CFAP47: variants seen among roughly 807,000 people sequenced by gnomAD.
CFAP47 encodes cilia and flagella associated protein 47, also known as cilia- and flagella-associated protein 47.
A neutral mutation model predicts 148.1 loss-of-function variants in CFAP47; 29 were observed. The ratio of observed to expected loss-of-function variants is 0.20; its 90% CI spans 0.15 to 0.27. CFAP47 has a LOEUF of 0.27. Among genes scored for constraint, CFAP47 ranks in the 10% least tolerant of loss-of-function variants. CFAP47 has a pLI of 1.00. For synonymous variants in CFAP47, 664 were observed against 577.3 expected (o/e 1.15, Z -2.15); for missense variants, 1,872 against 1,697.5 (o/e 1.10, Z -1.81).
At chrX:36,354,666 T>C (rs1447265069) in intron 60 of CFAP47, among the ~76,000 whole-genome samples, 3 of 110,075 alleles carry the variant, frequency 2.7e-5, no homozygotes, top group Non-Finnish European at 5.7e-5. Flanking sequence ...ACACACCAAT[T>C]CAGCAATAAT....
chrX:36,003,256 C>A (rs1332495586), intron 21 of CFAP47, among the ~76,000 whole-genome samples: 1 of 107,929 alleles, frequency 9.3e-6, no homozygotes, highest in Non-Finnish European at 1.9e-5. Context: ...AATGTTAAAC[C>A]AACCTTGCAT....
At chrX:35,934,635 G>T (rs1200137446) in intron 2 of CFAP47, among the ~76,000 whole-genome samples, 1 of 110,962 alleles carries the variant, frequency 9.0e-6, no homozygotes, top group Non-Finnish European at 1.9e-5. Flanking sequence ...AAGGAGTCTT[G>T]CCCTGTAGCC....
intron 3 of CFAP47, among the ~76,000 whole-genome samples, chrX:35,942,912 TA>T (rs760517644): frequency 7.1e-5 from 8 of 112,123 alleles, no homozygotes; most frequent in Non-Finnish European, 1.9e-5. Context: ...ATAGTATTTG[TA>T]ATACCTTGGT....
intron 2 of CFAP47, among the ~76,000 whole-genome samples, chrX:35,940,282 A>G (rs1183374151): frequency 1.8e-5 from 2 of 111,255 alleles, no homozygotes; most frequent in Non-Finnish European, 3.8e-5. Flanking sequence ...TCTGCTGTGC[A>G]GAAGCTCTTG....
At chrX:36,015,738 A>G in intron 22 of CFAP47, among the ~76,000 whole-genome samples, 1 of 111,923 alleles carries the variant, frequency 8.9e-6, no homozygotes, top group Admixed American at 9.5e-5. Flanking sequence ...GAAAGTAATC[A>G]TAATCTAATA....
At chrX:35,951,434 C>T (rs1452386774) in intron 5 of CFAP47, 75 bp downstream of exon 5, 1 of 688,444 alleles carries the variant, frequency 1.5e-6, no homozygotes, top group Non-Finnish European at 2.2e-6. Context: ...TAATAACCAA[C>T]AAGCTTTTTA....
At position 36,214,300 on chromosome X, in the gene CFAP47, C is replaced by T. The variant is rs189434083; in HGVS notation, c.6817+9190C>T. ...AAAAAAGATATACCTGTACAGGATA[C>T]TTACCATGTATGGAACCTATAGGAC... is the stretch of plus-strand genomic sequence containing the variant. On this transcript the variant is annotated intron_variant, in intron 45 of 63. Transcript: ENST00000378653. Among the ~76,000 whole-genome samples, 15 of 111,587 alleles carry T rather than the reference C, an allele frequency of 1.3e-4. No homozygotes were observed. In the Admixed American group the frequency reaches 1.4e-3, roughly 11 times the overall value.
intron 48 of CFAP47, among the ~76,000 whole-genome samples, chrX:36,237,889 T>C (rs1555995041): frequency 9.0e-6 from 1 of 111,221 alleles, no homozygotes; most frequent in Non-Finnish European, 1.9e-5. Flanking sequence ...TGTGCCTTGG[T>C]TTTCCTCTTC....
Position 35,955,942 on chromosome X carries a change from G to A in CFAP47, c.1175-19G>A. 8.3e-7 allele frequency: 1 copy of A among 1,206,268 alleles called. No homozygotes were observed. The highest frequency in any genetic ancestry group is 1.1e-6 in the Non-Finnish European group (1 of 892,732). On this transcript the variant is annotated intron_variant, in intron 7 of 63. Coordinates refer to ENST00000378653, the MANE Select transcript of CFAP47 (RefSeq NM_001304548.2). ...CCCCAAACACTTTTTATGTTCAACA[G>A]CTATTATTGCTTTTACAGGTGAACG...
At chrX:35,959,663 TG>T (rs1432218209) in intron 8 of CFAP47, among the ~76,000 whole-genome samples, 2 of 110,225 alleles carry the variant, frequency 1.8e-5, no homozygotes, top group African/African-American at 6.6e-5. Context: ...AAATATTAGC[TG>T]GGTGTGGTGT....
intron 60 of CFAP47, among the ~76,000 whole-genome samples, chrX:36,354,322 A>G (rs1307794351): frequency 1.8e-5 from 2 of 108,692 alleles, no homozygotes; most frequent in African/African-American, 6.7e-5. Flanking sequence ...TCTACTAACA[A>G]TATAAAAAAT....
intron 31 of CFAP47, 30 bp downstream of exon 31, chrX:36,098,904 C>T: frequency 1.2e-6 from 1 of 866,724 alleles, no homozygotes. Flanking sequence ...TGGAACAAAC[C>T]ACACAGTTAT....
At chrX:36,313,876 C>A (rs782308349) in intron 56 of CFAP47, among the ~76,000 whole-genome samples, 33 of 111,715 alleles carry the variant, frequency 3.0e-4, no homozygotes, top group African/African-American at 1.0e-3. Context: ...ATCTGTCACA[C>A]TCATTGTAGC....
intron 10 of CFAP47, 141 bp downstream of exon 10, chrX:35,967,973 T>C (rs949978599): frequency 4.2e-5 from 12 of 283,730 alleles, no homozygotes; most frequent in African/African-American, 2.6e-4. Flanking sequence ...ACTGCAATTA[T>C]CTTTTCATTT....
intron 49 of CFAP47, among the ~76,000 whole-genome samples, chrX:36,272,908 C>G: frequency 9.0e-6 from 1 of 111,149 alleles, no homozygotes; most frequent in East Asian, 2.8e-4. Flanking sequence ...TTGTGATATT[C>G]AAGCACAATT....
intron 63 of CFAP47, 63 bp downstream of exon 63, chrX:36,379,581 G>A: frequency 1.1e-6 from 1 of 909,342 alleles, no homozygotes; most frequent in Non-Finnish European, 1.6e-6. Context: ...AAATAAACTA[G>A]CAAGAAAAGG....
chrX:36,151,695 C>G (rs752208562), intron 37 of CFAP47, among the ~76,000 whole-genome samples: 1 of 111,371 alleles, frequency 9.0e-6, no homozygotes, highest in South Asian at 3.7e-4. Flanking sequence ...GTCTGTGTGT[C>G]TGTGTCACAT....
intron 57 of CFAP47, among the ~76,000 whole-genome samples, chrX:36,336,671 A>G (rs1941609406): frequency 8.9e-6 from 1 of 112,171 alleles, no homozygotes; most frequent in African/African-American, 3.2e-5. Flanking sequence ...AGCATTTAGA[A>G]AAGAAACATT....
In CFAP47 at chrX:36,159,256, C is replaced by T. The variant is rs760444592; in HGVS notation, c.5787-170C>T. On this transcript the variant is annotated intron_variant, in intron 37 of 63. Transcript: ENST00000378653. ...ACTTCAGATTTTACAAAATATATTA[C>T]GATAGCTTAACCGATGACAATAACT... 2.7e-5 allele frequency among the ~76,000 whole-genome samples: 3 copies of T among 112,005 alleles called. No homozygotes were observed. The Admixed American group carries it at 2.8e-4, about 11-fold the overall frequency.
Sources: gnomAD v4.1 joint callset for allele counts (sites outside exome capture counted in the v4.1 genomes callset) on GRCh38, gnomAD v4.1.1 for gene constraint, MANE v1.5 for transcripts, NCBI Gene and HGNC (gene_info 2026-07-23, HGNC 2026-07-21) for gene names.